The following MYL6B variants were observed in gnomAD, a reference collection of about 807,000 sequenced individuals.
The protein encoded by MYL6B is myosin light chain 6B, also known as myosin alkali light chain 1 slow a.
In MYL6B, 19 loss-of-function variants were observed where a neutral mutation model predicts 24.5. The ratio of observed to expected loss-of-function variants is 0.78; its 90% CI spans 0.54 to 1.14. The LOEUF is 1.14. Among genes scored for constraint, MYL6B ranks in the 50% most tolerant of loss-of-function variants. The pLI is 0.00. For missense variants in MYL6B, 230 were observed against 263.8 expected (o/e 0.87, Z 0.89); for synonymous variants, 90 against 100.7 (o/e 0.89, Z 0.64).
At chr12:56,156,560 G>A (rs1198619396) in intron 5 of MYL6B, among the ~76,000 whole-genome samples, 4 of 148,660 alleles carry the variant, frequency 2.7e-5, no homozygotes, top group Non-Finnish European at 3.0e-5. Flanking sequence ...AGCCGAGACC[G>A]TGCCACTGTA....
At chr12:56,153,958 G>T in exon 2 of MYL6B, 1 of 1,613,988 alleles carries the variant, frequency 6.2e-7, no homozygotes, top group Non-Finnish European at 8.5e-7. Flanking sequence ...GAAACCAGCA[G>T]GGCCCTCCAT....
At position 56,157,453 on chromosome 12, in the gene MYL6B, G is replaced by C; in HGVS notation, c.521-15G>C. On this transcript the variant is annotated splice_polypyrimidine_tract_variant and intron_variant, in intron 5 of 6. Transcript: ENST00000553066. ...GAGGGAAAGGAGGGCCTCAGACGTT[G>C]TGTCTGGGATTCAGGAGAGAAGATG... The C allele has an allele frequency of 6.2e-7, 1 of 1,612,562 alleles. No homozygotes were observed. Among genetic ancestry groups the C allele is most frequent in the South Asian group, 1.1e-5 (1 of 91,026 alleles).
intron 5 of MYL6B, chr12:56,156,141 A>G (rs1046183771): frequency 8.9e-6 from 4 of 450,130 alleles, no homozygotes; most frequent in South Asian, 1.2e-4. Context: ...CCCCATCTCT[A>G]TTAGTAATAT....
chr12:56,155,038 C>T lies in MYL6B; in HGVS notation c.203-17C>T. Reference sequence around the variant, plus strand: ...AACCCTAGTCAGTGTCTACACTGACCCTTCCTTATACTTTAGAGTTCAAGG... The same window carrying T: ...AACCCTAGTCAGTGTCTACACTGACTCTTCCTTATACTTTAGAGTTCAAGG... On this transcript the variant is annotated splice_polypyrimidine_tract_variant and intron_variant, in intron 3 of 6. Coordinates refer to ENST00000553066, the Ensembl canonical transcript of MYL6B. The T allele has an allele frequency of 6.2e-7, 1 of 1,602,874 alleles. No homozygotes were observed. The highest frequency in any genetic ancestry group is 8.5e-7 in the Non-Finnish European group (1 of 1,174,676).
intron 5 of MYL6B, 132 bp from the exon 6 acceptor site, chr12:56,157,336 A>G: frequency 1.3e-6 from 1 of 784,128 alleles, no homozygotes; most frequent in Non-Finnish European, 2.1e-6. Context: ...GTGAGCCGAG[A>G]TCGCTCCGCT....
At chr12:56,155,280 A>G (rs1371973366) in intron 4 of MYL6B, 82 bp downstream of exon 4, 108 of 1,559,274 alleles carry the variant, frequency 6.9e-5, no homozygotes, top group Non-Finnish European at 9.4e-5. Flanking sequence ...GGTGGATCTC[A>G]GGACTTCAAA....
At chr12:56,157,607 G>A (rs1051218985) in intron 6 of MYL6B, 62 bp downstream of exon 6, 8 of 1,612,960 alleles carry the variant, frequency 5.0e-6, no homozygotes, top group Admixed American at 3.3e-5. Flanking sequence ...GTCTTGCCGC[G>A]TGTGGGCGGG....
At chr12:56,153,076 C>T (rs139749859) in intron 1 of MYL6B, among the ~76,000 whole-genome samples, 1 of 152,024 alleles carries the variant, frequency 6.6e-6, no homozygotes, top group South Asian at 2.1e-4. Context: ...CAGAGCCTGC[C>T]CTTCTCCTCA....
chr12:56,153,992 C>CA lies in MYL6B; in HGVS notation c.75dup (p.Ala26SerfsTer12). 1 of 1,614,114 alleles carries CA rather than the reference C, an allele frequency of 6.2e-7. No homozygotes were observed. Among genetic ancestry groups the CA allele is most frequent in the Non-Finnish European group, 8.5e-7 (1 of 1,179,966 alleles). The stretch of plus-strand genomic sequence containing the variant: ...ATCTCCAAACCTGCTGCTAAGCCAG[C>CA]AGCAGCAGGGGCTCCTCCAGCCAAG... On this transcript the variant is annotated frameshift_variant, in exon 2 of 7. Coordinates refer to ENST00000553066, the Ensembl canonical transcript of MYL6B. LOFTEE classifies it high-confidence loss of function.
chr12:56,157,946 CTATTGTTTCA>C, exon 7 of MYL6B: 1 of 599,372 alleles, frequency 1.7e-6, no homozygotes, highest in Non-Finnish European at 2.9e-6. Flanking sequence ...AGGAGGCCAC[CTATTGTTTCA>C]AAATAAAGAC....
exon 6 of MYL6B, chr12:56,157,497 A>C (rs774554235): frequency 1.2e-6 from 2 of 1,613,858 alleles, no homozygotes; most frequent in Non-Finnish European, 1.7e-6. Flanking sequence ...GGAGGTGGAG[A>C]CCGTTCTGGC....
intron 5 of MYL6B, 131 bp from the exon 6 acceptor site, chr12:56,157,337 T>G: frequency 1.3e-6 from 1 of 789,022 alleles, no homozygotes. Flanking sequence ...TGAGCCGAGA[T>G]CGCTCCGCTC....
At chr12:56,152,899 C>G (rs894027066) in intron 1 of MYL6B, among the ~76,000 whole-genome samples, 1 of 152,032 alleles carries the variant, frequency 6.6e-6, no homozygotes, top group Non-Finnish European at 1.5e-5. Context: ...AATCCCTCCC[C>G]ACTCCCAAAC....
Position 56,154,099 on chromosome 12 carries a change from C to T in MYL6B, c.174+7C>T. On this transcript the variant is annotated splice_region_variant and intron_variant, in intron 2 of 6. Transcript: ENST00000553066. ...CGATCTCTCCAAAGTGGTGGTGAGT[C>T]TCTGGAAAGTGAAGATAGAATTGGA... 3.7e-6 allele frequency: 6 copies of T among 1,607,760 alleles called. No homozygotes were observed. The highest frequency in any genetic ancestry group is 5.1e-6 in the Non-Finnish European group (6 of 1,176,798).
At chr12:56,153,768 G>A (rs903900616) in intron 1 of MYL6B, 105 bp from the exon 2 acceptor site, 1 of 763,092 alleles carries the variant, frequency 1.3e-6, no homozygotes, top group Non-Finnish European at 2.1e-6. Flanking sequence ...GGGAGTGAGG[G>A]CAGGCGGTTA....
At chr12:56,152,605 C>T (rs1871140913) in exon 1 of MYL6B, 1 of 152,042 alleles carries the variant, frequency 6.6e-6, no homozygotes, top group Admixed American at 6.6e-5. Flanking sequence ...CCGCCCCCTC[C>T]CCAGCCCCAG....
intron 1 of MYL6B, 149 bp downstream of exon 1, chr12:56,152,780 G>A (rs996282472): frequency 6.6e-6 from 1 of 151,864 alleles, no homozygotes; most frequent in Non-Finnish European, 1.5e-5. Flanking sequence ...GCTGTTTTGC[G>A]AATGGGAGAC....
exon 2 of MYL6B, chr12:56,153,882 CCCCCATCCGCA>C: frequency 6.4e-7 from 1 of 1,553,636 alleles, no homozygotes; most frequent in Non-Finnish European, 8.7e-7. Flanking sequence ...GAGATGGGTG[CCCCCATCCGCA>C]CACTGTCCTT....
chr12:56,157,915 C>T lies in MYL6B; in HGVS notation c.*189C>T, dbSNP rs1002175197. On this transcript the variant is annotated 3_prime_UTR_variant, in exon 7 of 7. Coordinates refer to ENST00000553066, the Ensembl canonical transcript of MYL6B. ...GGGTCCGGACACTGGGCCCCGCAGGCGAAAGCACGTTCCAGCCACCAGGAG... is the reference window on the plus strand; with the variant it reads ...GGGTCCGGACACTGGGCCCCGCAGGTGAAAGCACGTTCCAGCCACCAGGAG... 9.4e-6 allele frequency: 6 copies of T among 640,664 alleles called. No homozygotes were observed. The South Asian group carries it at 9.8e-5, about 11-fold the overall frequency. 39.7% of individuals were successfully genotyped at this position (640,664 alleles called of 1,614,324 possible). A position where few individuals can be genotyped will look rare whatever the true frequency, so the allele number is the denominator to read the frequency against.
Sources: allele counts gnomAD v4.1 joint callset (sites outside exome capture counted in the v4.1 genomes callset), GRCh38; gene constraint gnomAD v4.1.1; transcripts MANE v1.5; gene names NCBI Gene and HGNC (gene_info 2026-07-23, HGNC 2026-07-21).